Variants in NUDCD3 observed in about 807,000 individuals in gnomAD.
NUDCD3 encodes NudC domain containing 3.
Under a neutral mutation model 39.7 loss-of-function variants are expected in NUDCD3, and 13 were observed. That is an observed-to-expected ratio of 0.33 (90% CI 0.21 to 0.52). The LOEUF is 0.52. Ranked by LOEUF, NUDCD3 falls within the 20% of genes least tolerant of loss-of-function variation. The pLI is 0.96. For synonymous variants in NUDCD3, 175 were observed against 172.4 expected, an observed-to-expected ratio of 1.02 and a Z score of -0.12; for missense variants, 453 against 458.1, an observed-to-expected ratio of 0.99 and a Z score of 0.10.
chr7:44,392,855 C>G (rs988968368), intron 4 of NUDCD3, among the ~76,000 whole-genome samples: 2 of 152,208 alleles, frequency 1.3e-5, no homozygotes, highest in African/African-American at 2.4e-5. Context: ...CCATGACACC[C>G]CCCCACACCA....
intron 4 of NUDCD3, among the ~76,000 whole-genome samples, chr7:44,401,404 G>A (rs1345350230): frequency 2.0e-5 from 3 of 152,222 alleles, no homozygotes; most frequent in South Asian, 2.1e-4. Context: ...AAACAGCAAA[G>A]TTTCTGTGAT....
chr7:44,412,144 G>A (rs1419924229), intron 3 of NUDCD3, among the ~76,000 whole-genome samples: 1 of 152,206 alleles, frequency 6.6e-6, no homozygotes, highest in Non-Finnish European at 1.5e-5. Context: ...AGGAAGCTGA[G>A]CAATGTGTCC....
chr7:44,485,095 G>C lies in NUDCD3; in HGVS notation c.382C>G (p.Gln128Glu). 6 of 1,614,172 alleles carry C rather than the reference G, an allele frequency of 3.7e-6. No individual in the cohort carries two copies. Among genetic ancestry groups the C allele is most frequent in the Non-Finnish European group, 4.2e-6 (5 of 1,180,022 alleles). ...GGAGGCTGCACTTTCTCTACTTCCTGATGCCCATCCAATTCTGTGGTGGAG... is the reference window on the plus strand; with the variant it reads ...GGAGGCTGCACTTTCTCTACTTCCTCATGCCCATCCAATTCTGTGGTGGAG... ...IDSTTELDGHQEVEKVQPPGP... is the reference protein window; with the variant it reads ...IDSTTELDGHEEVEKVQPPGP... The change falls in exon 2 of 6, where the codon CAG becomes GAG. Residue 128 changes from glutamine to glutamate, a missense_variant. By Grantham distance (29) the Gln-to-Glu change is conservative. Transcript: ENST00000355451.
rs766917451 is a variant in NUDCD3 at position 44,490,602 on chromosome 7, T to C, written c.-2A>G. The C allele has an allele frequency of 1.9e-6, 3 of 1,603,272 alleles. No homozygotes were observed. The South Asian group carries it at 3.4e-5, about 18-fold the overall frequency. On this transcript the variant is annotated 5_prime_UTR_variant, in exon 1 of 6. Coordinates refer to ENST00000355451, the MANE Select transcript of NUDCD3 (RefSeq NM_015332.4). The stretch of plus-strand genomic sequence containing the variant: ...CAGCTCGGCCGCCCCTGTCTCCATG[T>C]CGCCTCCCGCCCTAGGTACGCTTCA...
intron 4 of NUDCD3, among the ~76,000 whole-genome samples, chr7:44,396,532 T>C (rs1174761254): frequency 6.6e-6 from 1 of 152,158 alleles, no homozygotes; most frequent in East Asian, 1.9e-4. Context: ...TTTACAGAAT[T>C]CCATCTCTCA....
chr7:44,382,754 T>G lies in NUDCD3; in HGVS notation c.*3257A>C, dbSNP rs1006571323. The G allele has an allele frequency of 1.4e-4, 22 of 152,360 alleles. No individual in the cohort carries two copies. The highest frequency in any genetic ancestry group is 5.3e-4 in the African/African-American group (22 of 41,448). The allele number at this position is 152,360 out of a possible 1,614,324, so 9.4% of individuals were successfully genotyped here. ...CATGCTGTCCCTTCCCCAGCTGAGCTGGCTGCCAACAGGCCCAGTGGAGAG... is the reference window on the plus strand; with the variant it reads ...CATGCTGTCCCTTCCCCAGCTGAGCGGGCTGCCAACAGGCCCAGTGGAGAG... On this transcript the variant is annotated 3_prime_UTR_variant, in exon 6 of 6. Transcript: ENST00000355451.
In NUDCD3 at chr7:44,474,274, C is replaced by T. The variant is rs553968333; in HGVS notation, c.509+10694G>A. ...AGTTGGTTATTTTAAAAGAAATTGG[C>T]TAGTTTTTAAAAAGTATCTCTCAGA... On this transcript the variant is annotated intron_variant, in intron 2 of 5. Coordinates refer to ENST00000355451, the MANE Select transcript of NUDCD3 (RefSeq NM_015332.4). Among the ~76,000 whole-genome samples the T allele has an allele frequency of 6.6e-5, 10 of 151,608 alleles. No individual in the cohort carries two copies. The South Asian group carries it at 1.2e-3, about 19-fold the overall frequency.
chr7:44,404,455 G>A lies in NUDCD3; in HGVS notation c.771C>T (p.Pro257=), dbSNP rs746103964. The stretch of plus-strand genomic sequence containing the variant: ...CCAAACTTACCAAAACGCACTTCCC[G>A]GGCTCGAGACTCCAGAGAGAACTCT... ...NTESSLWSLE[P]GKCVLVNLSK... is the part of the protein sequence containing the mutation. Residue 257 remains proline, a synonymous_variant, in exon 4 of 6, where the codon CCC becomes CCT. Coordinates refer to ENST00000355451, the MANE Select transcript of NUDCD3 (RefSeq NM_015332.4). 1.1e-5 allele frequency: 18 copies of A among 1,614,000 alleles called. No individual in the cohort carries two copies. Among genetic ancestry groups the A allele is most frequent in the South Asian group, 3.3e-5 (3 of 91,066 alleles).
chr7:44,423,921 G>T (rs1362923943), intron 3 of NUDCD3, among the ~76,000 whole-genome samples: 1 of 152,088 alleles, frequency 6.6e-6, no homozygotes, highest in Non-Finnish European at 1.5e-5. Flanking sequence ...AACCAAAACG[G>T]CATAGTACCG....
chr7:44,446,050 T>C (rs538142480), intron 2 of NUDCD3, among the ~76,000 whole-genome samples: 2 of 152,312 alleles, frequency 1.3e-5, no homozygotes, highest in South Asian at 4.1e-4. Context: ...GTAGCTGACA[T>C]TACTGCACAC....
chr7:44,459,810 G>C (rs1158751528), intron 2 of NUDCD3, among the ~76,000 whole-genome samples: 3 of 152,082 alleles, frequency 2.0e-5, no homozygotes, highest in Non-Finnish European at 4.4e-5. Flanking sequence ...TTTAATGACA[G>C]AAAAAAGGAA....
At chr7:44,489,592 T>A (rs1800689349) in intron 1 of NUDCD3, among the ~76,000 whole-genome samples, 1 of 152,234 alleles carries the variant, frequency 6.6e-6, no homozygotes, top group South Asian at 2.1e-4. Context: ...TTTAATCTCA[T>A]CAGAAGTCCC....
At chr7:44,391,523 G>A (rs1798515105) in intron 5 of NUDCD3, among the ~76,000 whole-genome samples, 1 of 152,138 alleles carries the variant, frequency 6.6e-6, no homozygotes, top group Non-Finnish European at 1.5e-5. Context: ...GGGGGAGGAG[G>A]CGGTCCGTGT....
intron 3 of NUDCD3, among the ~76,000 whole-genome samples, chr7:44,420,646 A>G (rs1799119637): frequency 1.3e-5 from 2 of 152,240 alleles, no homozygotes; most frequent in African/African-American, 4.8e-5. Flanking sequence ...CTAACAGCAG[A>G]TCTCTCTGCA....
chr7:44,403,028 G>T, intron 4 of NUDCD3: 1 of 184,742 alleles, frequency 5.4e-6, no homozygotes, highest in Non-Finnish European at 1.2e-5. Context: ...TCCAGGCTGT[G>T]TCATAATGCA....
At chr7:44,456,876 T>C (rs1283842937) in intron 2 of NUDCD3, among the ~76,000 whole-genome samples, 1 of 151,848 alleles carries the variant, frequency 6.6e-6, no homozygotes, top group Non-Finnish European at 1.5e-5. Context: ...CGATCAAACA[T>C]AAAGATAGAA....
At chr7:44,474,129 CA>C (rs1462876070) in intron 2 of NUDCD3, among the ~76,000 whole-genome samples, 2 of 146,588 alleles carry the variant, frequency 1.4e-5, no homozygotes, top group Non-Finnish European at 3.0e-5. Flanking sequence ...TTTTGTATTT[CA>C]AATTCTACCT....
At chr7:44,386,471 G>C (rs890121155) in intron 5 of NUDCD3, among the ~76,000 whole-genome samples, 11 of 152,198 alleles carry the variant, frequency 7.2e-5, no homozygotes, top group Non-Finnish European at 1.6e-4. Context: ...GGTCCCACCA[G>C]GCACTGACTA....
intron 2 of NUDCD3, among the ~76,000 whole-genome samples, chr7:44,473,214 C>T (rs1184835053): frequency 4.6e-5 from 7 of 152,178 alleles, no homozygotes; most frequent in Non-Finnish European, 1.5e-5. Flanking sequence ...CACACTCAGA[C>T]CAATTAAATC....
Sources: allele counts gnomAD v4.1 joint callset (sites outside exome capture counted in the v4.1 genomes callset), GRCh38; gene constraint gnomAD v4.1.1; transcripts MANE v1.5; gene names NCBI Gene and HGNC (gene_info 2026-07-23, HGNC 2026-07-21).